DLGAP4: variants seen among roughly 807,000 people sequenced by gnomAD.
DLGAP4 encodes disks large-associated protein 4.
Under a neutral mutation model 86.9 loss-of-function variants are expected in DLGAP4, and 18 were observed. That is an observed-to-expected ratio of 0.21 (90% confidence interval 0.14 to 0.31). The LOEUF (loss-of-function observed/expected upper bound fraction) is 0.31, where lower values mean the gene tolerates loss of function less well. Ranked by LOEUF, DLGAP4 falls within the 10% of genes least tolerant of loss-of-function variation. The probability of loss-of-function intolerance (pLI) is 1.00; values close to 1 mark genes in which losing one functional copy is unlikely to be tolerated. For missense variants in DLGAP4, 1,085 were observed against 1,362.6 expected (o/e 0.80, Z 3.21); for synonymous variants, 548 against 574.3 (o/e 0.95, Z 0.65).
At chr20:36,469,057 A>G (rs1382143960) in intron 7 of DLGAP4, among the ~76,000 whole-genome samples, 1 of 152,164 alleles carries the variant, frequency 6.6e-6, no homozygotes, top group Non-Finnish European at 1.5e-5. Context: ...TTTGGAAAGT[A>G]TTACTATTCT....
Position 36,528,347 on chromosome 20 carries a change from C to T in DLGAP4, c.*1316C>T, listed in dbSNP as rs897598153. On this transcript the variant is annotated 3_prime_UTR_variant, in exon 13 of 13. Coordinates refer to ENST00000339266, the MANE Select transcript of DLGAP4 (RefSeq NM_001365621.2). Reference sequence around the variant, plus strand: ...GGGTAGGGGAGGGCAGGGGCTGAGCCCCGAAGCCAGCTCAGTACCTGAGGG... The same window carrying T: ...GGGTAGGGGAGGGCAGGGGCTGAGCTCCGAAGCCAGCTCAGTACCTGAGGG... 6.5e-6 allele frequency: 1 copy of T among 152,730 alleles called. No individual in the cohort carries two copies. The highest frequency in any genetic ancestry group is 1.5e-5 in the Non-Finnish European group (1 of 68,156). The allele number at this position is 152,730 out of a possible 1,614,324, so 9.5% of individuals were successfully genotyped here.
At chr20:36,466,805 C>T (rs554262792) in intron 7 of DLGAP4, among the ~76,000 whole-genome samples, 12 of 152,370 alleles carry the variant, frequency 7.9e-5, no homozygotes, top group South Asian at 6.2e-4. Flanking sequence ...CCCGGGCTCC[C>T]TCGTCTCTGT....
intron 7 of DLGAP4, among the ~76,000 whole-genome samples, chr20:36,465,785 G>A (rs532284906): frequency 6.7e-4 from 102 of 152,280 alleles, no homozygotes; most frequent in African/African-American, 2.4e-3. Context: ...GGCTGTCATC[G>A]TGGTTCTGTA....
chr20:36,505,056 T>C (rs1178915030), intron 10 of DLGAP4, among the ~76,000 whole-genome samples: 1 of 152,062 alleles, frequency 6.6e-6, no homozygotes. Flanking sequence ...GACGTGATCT[T>C]GGCTCACTGC....
chr20:36,489,857 T>TC (rs985119562), intron 7 of DLGAP4, among the ~76,000 whole-genome samples: 4 of 123,214 alleles, frequency 3.2e-5, no homozygotes, highest in Non-Finnish European at 6.5e-5. Context: ...TAATTCTTCT[T>TC]TTTTTTTTTT....
chr20:36,471,421 G>A (rs1228266462), intron 7 of DLGAP4, among the ~76,000 whole-genome samples: 1 of 152,184 alleles, frequency 6.6e-6, no homozygotes, highest in Non-Finnish European at 1.5e-5. Context: ...TTGAACCTGG[G>A]AGGCGGAGGT....
At chr20:36,418,766 G>A (rs1002824937) in intron 2 of DLGAP4, among the ~76,000 whole-genome samples, 8 of 152,156 alleles carry the variant, frequency 5.3e-5, no homozygotes, top group Non-Finnish European at 1.2e-4. Flanking sequence ...GGAGGGACCC[G>A]AGGTGGGAGC....
At position 36,461,177 on chromosome 20, in the gene DLGAP4, G is replaced by A. The variant is rs373232708; in HGVS notation, c.1648+14240G>A. Among the ~76,000 whole-genome samples the A allele has an allele frequency of 1.4e-4, 22 of 152,182 alleles. No homozygotes were observed. The East Asian group carries it at 2.9e-3, about 20-fold the overall frequency. On this transcript the variant is annotated intron_variant, in intron 7 of 12. Coordinates refer to ENST00000339266, the MANE Select transcript of DLGAP4 (RefSeq NM_001365621.2). The stretch of plus-strand genomic sequence containing the variant: ...GCGTTCCAGCTGGAACCGGTTTGGC[G>A]AGGCGGTTCGAGGGGCGGCGACCCC...
Position 36,497,039 on chromosome 20 carries a change from A to G in DLGAP4, c.1983A>G (p.Lys661=), listed in dbSNP as rs1673210592. 1.2e-6 allele frequency: 2 copies of G among 1,607,776 alleles called. No homozygotes were observed. The highest frequency in any genetic ancestry group is 1.7e-6 in the Non-Finnish European group (2 of 1,176,020). The change falls in exon 8 of 13, where the codon AAA becomes AAG. Residue 661 remains lysine, a synonymous_variant. Coordinates refer to ENST00000339266, the MANE Select transcript of DLGAP4 (RefSeq NM_001365621.2). ...AGTCCCACCCCGAGGCCGCCCCCAAAAGGAAACTGTCATCGATAGGAATAC... is the reference window on the plus strand; with the variant it reads ...AGTCCCACCCCGAGGCCGCCCCCAAGAGGAAACTGTCATCGATAGGAATAC... ...SSESHPEAAP[K]RKLSSIGIQV... is the part of the protein sequence containing the mutation.
At chr20:36,478,276 C>A (rs140935422) in intron 7 of DLGAP4, among the ~76,000 whole-genome samples, 1 of 152,202 alleles carries the variant, frequency 6.6e-6, no homozygotes, top group African/African-American at 2.4e-5. Flanking sequence ...TCGACACAGG[C>A]AAAACCAATC....
Position 36,398,169 on chromosome 20 carries a change from T to C in DLGAP4, c.-73+30894T>C, listed in dbSNP as rs112944854. Among the ~76,000 whole-genome samples the C allele has an allele frequency of 6.3e-3, 958 of 152,362 alleles. 11 individuals carry two copies. Among genetic ancestry groups the C allele is most frequent in the African/African-American group, 0.022 (912 of 41,574 alleles). ...TGAAAAAACACGTATTTGCTAATTT[T>C]GGGGTTCAAACTTTTCTCTGTTCTT... On this transcript the variant is annotated intron_variant, in intron 2 of 12. Coordinates refer to ENST00000339266, the MANE Select transcript of DLGAP4 (RefSeq NM_001365621.2).
intron 10 of DLGAP4, among the ~76,000 whole-genome samples, chr20:36,501,575 G>A (rs2036146190): frequency 6.6e-6 from 1 of 151,784 alleles, no homozygotes; most frequent in Non-Finnish European, 1.5e-5. Context: ...GGGGGGTTGG[G>A]TGGTGGAAGG....
At chr20:36,517,864 T>G (rs1401325273) in intron 10 of DLGAP4, among the ~76,000 whole-genome samples, 2 of 152,198 alleles carry the variant, frequency 1.3e-5, no homozygotes, top group African/African-American at 4.8e-5. Flanking sequence ...TGTTGTAGTT[T>G]TAAGGTTCTC....
intron 1 of DLGAP4, among the ~76,000 whole-genome samples, chr20:36,324,579 G>C (rs1409741703): frequency 6.6e-6 from 1 of 152,082 alleles, no homozygotes; most frequent in Admixed American, 6.6e-5. Context: ...TTGTTGAAAG[G>C]ACTGTTCTTT....
At chr20:36,318,979 A>C (rs1396455751) in intron 1 of DLGAP4, among the ~76,000 whole-genome samples, 2 of 151,996 alleles carry the variant, frequency 1.3e-5, no homozygotes, top group African/African-American at 4.8e-5. Flanking sequence ...CCCTGTCTCT[A>C]CTAAAAATAC....
chr20:36,521,655 T>C (rs1393234706), intron 10 of DLGAP4, among the ~76,000 whole-genome samples: 2 of 152,218 alleles, frequency 1.3e-5, no homozygotes, highest in Non-Finnish European at 1.5e-5. Context: ...CTCAGCAGGG[T>C]TGAATCTCTG....
At chr20:36,425,650 G>A (rs941248001) in intron 2 of DLGAP4, among the ~76,000 whole-genome samples, 8 of 151,990 alleles carry the variant, frequency 5.3e-5, no homozygotes, top group East Asian at 1.9e-4. Context: ...GTGAAACCCC[G>A]TCTCTACTAA....
intron 7 of DLGAP4, among the ~76,000 whole-genome samples, chr20:36,448,519 G>A (rs1376672000): frequency 6.6e-6 from 1 of 152,238 alleles, no homozygotes; most frequent in East Asian, 1.9e-4. Flanking sequence ...ATCTCTTAGG[G>A]AGATGAAACA....
chr20:36,494,951 A>G (rs977443805), intron 7 of DLGAP4, among the ~76,000 whole-genome samples: 2 of 151,336 alleles, frequency 1.3e-5, no homozygotes, highest in African/African-American at 4.9e-5. Flanking sequence ...CATCTCTACC[A>G]AAAGTAAAAA....
Sources: allele counts gnomAD v4.1 joint callset (sites outside exome capture counted in the v4.1 genomes callset), GRCh38; gene constraint gnomAD v4.1.1; transcripts MANE v1.5; gene names NCBI Gene and HGNC (gene_info 2026-07-23, HGNC 2026-07-21).